LMBR1: variants seen among roughly 807,000 people sequenced by gnomAD.
LMBR1 encodes the protein limb development membrane protein 1, also known as limb region 1 protein homolog.
LMBR1 carries 52 observed loss-of-function variants against 73.9 expected under a neutral mutation model. The observed-to-expected ratio is 0.70, with a 90% CI of 0.56 to 0.89. The LOEUF (loss-of-function observed/expected upper bound fraction) is 0.89, where lower values mean the gene tolerates loss of function less well. LMBR1 is among the 40% of genes least tolerant of loss of function. The pLI, the probability that LMBR1 is intolerant of heterozygous loss-of-function variation, is 0.00. For synonymous variants in LMBR1, 215 were observed against 209.4 expected, an observed-to-expected ratio of 1.03 and a Z score of -0.23; for missense variants, 539 against 579.8, an observed-to-expected ratio of 0.93 and a Z score of 0.72.
intron 15 of LMBR1, among the ~76,000 whole-genome samples, chr7:156,721,380 CAG>C (rs1440085699): frequency 2.0e-5 from 3 of 152,096 alleles, no homozygotes; most frequent in Non-Finnish European, 2.9e-5. Flanking sequence ...AGCAATCACA[CAG>C]AATCTATTCT....
chr7:156,827,899 A>G (rs1835974646), intron 3 of LMBR1, among the ~76,000 whole-genome samples: 1 of 152,188 alleles, frequency 6.6e-6, no homozygotes, highest in South Asian at 2.1e-4. Flanking sequence ...GATACTTAAG[A>G]AAAATACAAC....
intron 15 of LMBR1, among the ~76,000 whole-genome samples, chr7:156,714,918 C>T (rs1165317361): frequency 6.6e-6 from 1 of 151,732 alleles, no homozygotes; most frequent in Non-Finnish European, 1.5e-5. Context: ...TACTGAGTAT[C>T]TACTGAGTAA....
In LMBR1 at chr7:156,725,501, G is replaced by T; in HGVS notation, c.1092C>A (p.Val364=). 1 of 1,604,110 alleles carries T rather than the reference G, an allele frequency of 6.2e-7. No individual in the cohort carries two copies. The highest frequency in any genetic ancestry group is 1.1e-5 in the South Asian group (1 of 90,140). Residue 364 remains valine, a synonymous_variant, in exon 14 of 17, where the codon GTC becomes GTA. Transcript: ENST00000353442. The part of the protein sequence containing the change: ...LIFYLMVSSV[V]GFYSLRFFGN... ...CAAAAAATCGAAGGCTATAGAAGCC[G>T]ACAACAGAGGACACCATAAGATAGC...
intron 5 of LMBR1, among the ~76,000 whole-genome samples, chr7:156,764,511 G>A (rs1391409193): frequency 6.6e-6 from 1 of 151,900 alleles, no homozygotes; most frequent in Non-Finnish European, 1.5e-5. Context: ...AAAAGAAACC[G>A]CTTTTACTCC....
At chr7:156,779,686 A>C in intron 5 of LMBR1, 2 of 1,287,092 alleles carry the variant, frequency 1.6e-6, no homozygotes, top group Non-Finnish European at 2.0e-6. Flanking sequence ...TCATGTTTCT[A>C]TGGTGATGAA....
At chr7:156,787,800 G>A (rs555444564) in intron 5 of LMBR1, among the ~76,000 whole-genome samples, 4 of 151,940 alleles carry the variant, frequency 2.6e-5, no homozygotes, top group Non-Finnish European at 5.9e-5. Flanking sequence ...TTTTAGAGAC[G>A]GAGTCTCGCT....
intron 1 of LMBR1, among the ~76,000 whole-genome samples, chr7:156,883,889 A>C (rs1801485215): frequency 6.6e-6 from 1 of 151,898 alleles, no homozygotes; most frequent in Admixed American, 6.6e-5. Context: ...CCTTTAACAT[A>C]CTCACATCTG....
intron 1 of LMBR1, among the ~76,000 whole-genome samples, chr7:156,883,706 T>C (rs903246969): frequency 1.3e-5 from 2 of 152,180 alleles, no homozygotes; most frequent in East Asian, 3.8e-4. Context: ...TTGACGTTTC[T>C]AGCTTCTGGA....
intron 4 of LMBR1, among the ~76,000 whole-genome samples, chr7:156,801,466 T>G (rs1201304940): frequency 6.6e-6 from 1 of 152,234 alleles, no homozygotes; most frequent in Non-Finnish European, 1.5e-5. Flanking sequence ...CCACATTCGC[T>G]TCATCACAGT....
At chr7:156,866,366 T>TA (rs1204408848) in intron 1 of LMBR1, among the ~76,000 whole-genome samples, 2 of 152,016 alleles carry the variant, frequency 1.3e-5, no homozygotes, top group African/African-American at 2.4e-5. Flanking sequence ...GAGGTCTACG[T>TA]AAGCTATTTT....
At chr7:156,811,766 C>CA (rs1833137514) in intron 4 of LMBR1, among the ~76,000 whole-genome samples, 1 of 152,162 alleles carries the variant, frequency 6.6e-6, no homozygotes, top group Non-Finnish European at 1.5e-5. Context: ...ACTGAGGAAA[C>CA]AAAGCACCAC....
downstream of LMBR1, among the ~76,000 whole-genome samples, chr7:156,673,587 G>C (rs936097628): frequency 6.6e-6 from 1 of 152,174 alleles, no homozygotes. Context: ...TTCCAAGTAC[G>C]GCTAATCCCA....
chr7:156,816,669 T>C (rs1220962286), intron 4 of LMBR1, among the ~76,000 whole-genome samples: 4 of 152,162 alleles, frequency 2.6e-5, no homozygotes, highest in Admixed American at 2.6e-4. Context: ...ATTTGCAATA[T>C]ATAAGAAAGT....
chr7:156,892,747 T>TGGGGAGGGAAGGGGA (rs1563649707), intron 1 of LMBR1, among the ~76,000 whole-genome samples, 181 bp downstream of exon 1: 1 of 52,204 alleles, frequency 1.9e-5, no homozygotes, highest in African/African-American at 7.2e-5. Flanking sequence ...AGAGGAGAGG[T>TGGGGAGGGAAGGGGA]GGGGAGGGAA....
rs548954311 is a variant in LMBR1 at position 156,810,898 on chromosome 7, T to C, written c.320-14406A>G. ...ATCTTGGCTCACTACAACCTCCACC[T>C]CTCCCGGGTTCAAGCGATTCTCCTC... is the stretch of plus-strand genomic sequence containing the variant. On this transcript the variant is annotated intron_variant, in intron 4 of 16. Coordinates refer to ENST00000353442, the MANE Select transcript of LMBR1 (RefSeq NM_022458.4). Among the ~76,000 whole-genome samples, 7 of 149,464 alleles carry C rather than the reference T, an allele frequency of 4.7e-5. No homozygotes were observed. In the East Asian group the frequency reaches 1.2e-3, roughly 26 times the overall value.
At position 156,680,022 on chromosome 7, in the gene LMBR1, T is replaced by A. The variant is rs906624721; in HGVS notation, c.*4056A>T. ...CCAAGTTTTGAAATTTTGTATATAT[T>A]TGTGAGTTTTAGGAACTTCTCCTGA... On this transcript the variant is annotated 3_prime_UTR_variant, in exon 17 of 17. Coordinates refer to ENST00000353442, the MANE Select transcript of LMBR1 (RefSeq NM_022458.4). 1 of 152,190 alleles carries A rather than the reference T, an allele frequency of 6.6e-6. No homozygotes were observed. The highest frequency in any genetic ancestry group is 1.5e-5 in the Non-Finnish European group (1 of 68,026). The allele number at this position is 152,190 out of a possible 1,614,324, so 9.4% of individuals were successfully genotyped here.
chr7:156,771,238 C>T (rs1028108311), intron 5 of LMBR1, among the ~76,000 whole-genome samples: 2 of 151,970 alleles, frequency 1.3e-5, no homozygotes, highest in Non-Finnish European at 2.9e-5. Flanking sequence ...CAGAGCTGTT[C>T]TGAATGAAAT....
At chr7:156,840,726 G>C (rs895148183) in intron 1 of LMBR1, among the ~76,000 whole-genome samples, 1 of 151,676 alleles carries the variant, frequency 6.6e-6, no homozygotes, top group Non-Finnish European at 1.5e-5. Context: ...TTGGGAGGCC[G>C]AGGCGGGTGG....
chr7:156,877,700 G>A (rs923378628), intron 1 of LMBR1, among the ~76,000 whole-genome samples: 33 of 152,026 alleles, frequency 2.2e-4, no homozygotes, highest in African/African-American at 7.7e-4. Context: ...TGGCTAACAC[G>A]ATGAAACCCC....
Sources: gnomAD v4.1 joint callset for allele counts (sites outside exome capture counted in the v4.1 genomes callset) on GRCh38, gnomAD v4.1.1 for gene constraint, MANE v1.5 for transcripts, NCBI Gene and HGNC (gene_info 2026-07-23, HGNC 2026-07-21) for gene names.